Variants in NRF1 observed in about 807,000 individuals in gnomAD.
NRF1 encodes nuclear respiratory factor 1, also known as alpha palindromic-binding protein.
A neutral mutation model predicts 58.5 loss-of-function variants in NRF1; 5 were observed. The observed-to-expected ratio is 0.09, with a 90% confidence interval of 0.04 to 0.18. The LOEUF is 0.18. Ranked by LOEUF, NRF1 falls within the 10% of genes least tolerant of loss-of-function variation. NRF1 has a pLI of 1.00. For synonymous variants in NRF1, 224 were observed against 246.7 expected (o/e 0.91, Z 0.86); for missense variants, 288 against 657.7 (o/e 0.44, Z 6.15).
intron 8 of NRF1, among the ~76,000 whole-genome samples, chr7:129,711,997 T>C (rs1359227512): frequency 6.6e-6 from 1 of 152,206 alleles, no homozygotes; most frequent in Non-Finnish European, 1.5e-5. Context: ...ATTTATTACA[T>C]CTTAAATATG....
At chr7:129,612,535 A>G (rs1800559370) in intron 1 of NRF1, among the ~76,000 whole-genome samples, 1 of 152,154 alleles carries the variant, frequency 6.6e-6, no homozygotes, top group African/African-American at 2.4e-5. Context: ...GTCCTTTTGT[A>G]CGCAGAAATA....
chr7:129,638,076 T>C (rs980108316), intron 1 of NRF1, among the ~76,000 whole-genome samples: 4 of 152,120 alleles, frequency 2.6e-5, no homozygotes, highest in Admixed American at 6.5e-5. Flanking sequence ...ACTCTAGTTT[T>C]TTTTGTACAT....
intron 2 of NRF1, among the ~76,000 whole-genome samples, chr7:129,668,367 T>C (rs1801969167): frequency 1.3e-5 from 2 of 152,240 alleles, no homozygotes; most frequent in African/African-American, 4.8e-5. Context: ...TATAGCCTTG[T>C]AATTACTAAT....
In NRF1 at chr7:129,703,476, A is replaced by G. The variant is rs573226695; in HGVS notation, c.607-5599A>G. 3.9e-5 allele frequency among the ~76,000 whole-genome samples: 6 copies of G among 152,318 alleles called. No individual in the cohort carries two copies. In the East Asian group the frequency reaches 9.6e-4, roughly 24 times the overall value. On this transcript the variant is annotated intron_variant, in intron 5 of 10. Coordinates refer to ENST00000393232, the MANE Select transcript of NRF1 (RefSeq NM_005011.5). ...CAGTTCCGAATTCTGGAAAGGAATC[A>G]TTTGACTCTTCCTGTACTGGACTGC...
chr7:129,621,748 G>T (rs1800800750), intron 1 of NRF1, among the ~76,000 whole-genome samples: 1 of 150,484 alleles, frequency 6.6e-6, no homozygotes, highest in African/African-American at 2.4e-5. Flanking sequence ...TTTAATTTTT[G>T]GCTCTATTAT....
intron 10 of NRF1, among the ~76,000 whole-genome samples, chr7:129,736,725 C>G (rs1803724359): frequency 6.6e-6 from 1 of 150,952 alleles, no homozygotes; most frequent in Non-Finnish European, 1.5e-5. Context: ...CCCCCACCCC[C>G]ACCCCTGTTC....
chr7:129,684,277 G>T (rs186695395), intron 4 of NRF1, among the ~76,000 whole-genome samples: 2 of 152,274 alleles, frequency 1.3e-5, no homozygotes, highest in African/African-American at 4.8e-5. Context: ...ATGAGGAAAA[G>T]GGAGAAGAAA....
intron 1 of NRF1, among the ~76,000 whole-genome samples, chr7:129,616,607 C>T (rs542468855): frequency 1.3e-5 from 2 of 152,170 alleles, no homozygotes; most frequent in South Asian, 4.1e-4. Flanking sequence ...TTAAAAAAAA[C>T]TAGTTGCTGT....
At chr7:129,695,948 C>G (rs971130256) in intron 5 of NRF1, among the ~76,000 whole-genome samples, 2 of 150,254 alleles carry the variant, frequency 1.3e-5, no homozygotes, top group African/African-American at 4.9e-5. Flanking sequence ...TTAGGCCGGG[C>G]GCAGTGGCTC....
chr7:129,666,454 T>G (rs192949750), intron 2 of NRF1, among the ~76,000 whole-genome samples: 1 of 152,380 alleles, frequency 6.6e-6, no homozygotes, highest in East Asian at 1.9e-4. Context: ...TCAACATTTT[T>G]CTGAGATTCA....
chr7:129,648,495 G>T (rs1801463307), intron 1 of NRF1, among the ~76,000 whole-genome samples: 1 of 151,828 alleles, frequency 6.6e-6, no homozygotes, highest in Non-Finnish European at 1.5e-5. Flanking sequence ...TAGCCAGGAT[G>T]GTCTCTACCT....
intron 4 of NRF1, among the ~76,000 whole-genome samples, chr7:129,686,363 G>T (rs577459496): frequency 6.6e-6 from 1 of 152,252 alleles, no homozygotes; most frequent in South Asian, 2.1e-4. Context: ...TGAAATGCTG[G>T]CCAGAGAAAC....
intron 2 of NRF1, among the ~76,000 whole-genome samples, chr7:129,663,954 G>A (rs967317162): frequency 6.6e-6 from 1 of 152,156 alleles, no homozygotes; most frequent in Non-Finnish European, 1.5e-5. Flanking sequence ...GCGAAACCCC[G>A]TCTCCACCAA....
intron 1 of NRF1, among the ~76,000 whole-genome samples, chr7:129,645,838 G>A (rs980868152): frequency 4.6e-5 from 7 of 152,110 alleles, no homozygotes; most frequent in Non-Finnish European, 1.0e-4. Context: ...TCTGTGTGAA[G>A]CATTTTATTT....
At chr7:129,659,840 T>A (rs1801742175) in intron 2 of NRF1, among the ~76,000 whole-genome samples, 2 of 152,346 alleles carry the variant, frequency 1.3e-5, no homozygotes, top group Middle Eastern at 3.4e-3. Flanking sequence ...TAACCATCTG[T>A]TCTGTATGTA....
intron 4 of NRF1, among the ~76,000 whole-genome samples, chr7:129,682,841 G>A (rs781205600): frequency 2.9e-5 from 3 of 104,320 alleles, no homozygotes; most frequent in South Asian, 3.8e-4. Context: ...AGATACAGGA[G>A]CATTGACACC....
chr7:129,622,893 A>G (rs1800831004), intron 1 of NRF1, among the ~76,000 whole-genome samples: 1 of 152,214 alleles, frequency 6.6e-6, no homozygotes, highest in African/African-American at 2.4e-5. Context: ...TTCTAAGCAC[A>G]CATGGATATA....
chr7:129,649,243 A>G (rs952230752), intron 1 of NRF1, among the ~76,000 whole-genome samples: 1 of 152,058 alleles, frequency 6.6e-6, no homozygotes, highest in African/African-American at 2.4e-5. Context: ...TAAAATTTCT[A>G]TCCTAGTTAT....
At chr7:129,639,019 T>C (rs1173669808) in intron 1 of NRF1, among the ~76,000 whole-genome samples, 1 of 152,192 alleles carries the variant, frequency 6.6e-6, no homozygotes, top group Admixed American at 6.5e-5. Context: ...TTCTAAGTAA[T>C]TCAAGATACA....
Sources: allele counts gnomAD v4.1 joint callset (sites outside exome capture counted in the v4.1 genomes callset), GRCh38; gene constraint gnomAD v4.1.1; transcripts MANE v1.5; gene names NCBI Gene and HGNC (gene_info 2026-07-23, HGNC 2026-07-21).